Variants in ANKRD44 observed in about 807,000 individuals in gnomAD.
ANKRD44 encodes ankyrin repeat domain 44, also known as serine/threonine-protein phosphatase 6 regulatory ankyrin repeat subunit B.
In ANKRD44, 35 loss-of-function variants were observed where a neutral mutation model predicts 116.0. That is an observed-to-expected ratio of 0.30 (90% CI 0.23 to 0.40). The LOEUF (loss-of-function observed/expected upper bound fraction) is 0.40. Among genes scored for constraint, ANKRD44 ranks in the 10% least tolerant of loss-of-function variants. The pLI is 1.00. For synonymous variants in ANKRD44, 435 were observed against 461.8 expected, an observed-to-expected ratio of 0.94 and a Z score of 0.74; for missense variants, 1,014 against 1,242.6, an observed-to-expected ratio of 0.82 and a Z score of 2.77.
intron 16 of ANKRD44, among the ~76,000 whole-genome samples, chr2:197,064,230 C>A (rs1010323492): frequency 3.3e-5 from 5 of 152,104 alleles, no homozygotes; most frequent in South Asian, 2.1e-4. Flanking sequence ...GAAATAAAAT[C>A]CTTTACAGAC....
At chr2:197,155,814 T>C (rs952996211) in intron 2 of ANKRD44, among the ~76,000 whole-genome samples, 1 of 152,210 alleles carries the variant, frequency 6.6e-6, no homozygotes, top group African/African-American at 2.4e-5. Context: ...AATTGGTAAA[T>C]GGAATTTTAT....
At chr2:197,260,015 T>C (rs933140503) in intron 1 of ANKRD44, among the ~76,000 whole-genome samples, 5 of 152,250 alleles carry the variant, frequency 3.3e-5, no homozygotes, top group Admixed American at 2.0e-4. Context: ...CACTCATCAG[T>C]GGCCTTGCCT....
At chr2:196,997,745 G>A (rs933627440) in intron 25 of ANKRD44, among the ~76,000 whole-genome samples, 3 of 151,548 alleles carry the variant, frequency 2.0e-5, no homozygotes, top group Non-Finnish European at 2.9e-5. Flanking sequence ...CACTGCTCCC[G>A]GCCTAAAATT....
intron 16 of ANKRD44, among the ~76,000 whole-genome samples, chr2:197,053,016 C>T (rs1389806870): frequency 2.0e-5 from 3 of 151,966 alleles, no homozygotes; most frequent in Non-Finnish European, 4.4e-5. Flanking sequence ...ACTAAAAATA[C>T]AAAAATTAGC....
intron 16 of ANKRD44, among the ~76,000 whole-genome samples, chr2:197,058,444 C>T (rs1041292288): frequency 1.3e-5 from 2 of 148,314 alleles, no homozygotes; most frequent in East Asian, 2.0e-4. Context: ...CTGTGTTCCA[C>T]GAATTAAAGC....
intron 2 of ANKRD44, among the ~76,000 whole-genome samples, chr2:197,148,228 A>G (rs1013013614): frequency 6.6e-6 from 1 of 152,218 alleles, no homozygotes; most frequent in African/African-American, 2.4e-5. Flanking sequence ...GTTGTGTGAT[A>G]TCTTTCCTCC....
intron 9 of ANKRD44, among the ~76,000 whole-genome samples, chr2:197,104,719 T>G (rs2078383505): frequency 6.6e-6 from 1 of 152,180 alleles, no homozygotes; most frequent in African/African-American, 2.4e-5. Flanking sequence ...TCCCCAACAT[T>G]TATTTTCAGC....
chr2:197,034,437 A>T (rs755978041), intron 16 of ANKRD44, among the ~76,000 whole-genome samples: 2 of 150,136 alleles, frequency 1.3e-5, no homozygotes, highest in African/African-American at 2.5e-5. Context: ...TCTCATGCTC[A>T]ACTACATTCA....
At position 197,279,853 on chromosome 2, in the gene ANKRD44, C is replaced by T. The variant is rs572795815; in HGVS notation, c.27+30725G>A. Among the ~76,000 whole-genome samples the T allele has an allele frequency of 2.6e-5, 4 of 152,320 alleles. No individual in the cohort carries two copies. In the East Asian group the frequency reaches 5.8e-4, roughly 22 times the overall value. On this transcript the variant is annotated intron_variant, in intron 1 of 27. Coordinates refer to ENST00000282272, the MANE Select transcript of ANKRD44 (RefSeq NM_001195144.2). ...GATTGATTTATTTCCATGCTTCCCA[C>T]CCCACCCAGTTGGACCATAAAGTTC...
chr2:197,101,231 CT>C (rs547267717), intron 9 of ANKRD44, among the ~76,000 whole-genome samples: 576 of 145,756 alleles, frequency 4.0e-3, no homozygotes, highest in Admixed American at 6.3e-3. Context: ...ATCCTCCTGG[CT>C]TTTTTTTTTT....
At chr2:197,053,796 T>C in intron 16 of ANKRD44, among the ~76,000 whole-genome samples, 1 of 152,218 alleles carries the variant, frequency 6.6e-6, no homozygotes, top group East Asian at 1.9e-4. Context: ...TGATCTCCTT[T>C]AAATATTGAT....
chr2:197,279,429 C>T (rs2083200360), intron 1 of ANKRD44, among the ~76,000 whole-genome samples: 1 of 152,108 alleles, frequency 6.6e-6, no homozygotes, highest in African/African-American at 2.4e-5. Flanking sequence ...GATCAAAAGT[C>T]GTCATGGCTC....
At chr2:197,001,339 A>C (rs2125899384) in intron 22 of ANKRD44, among the ~76,000 whole-genome samples, 1 of 152,392 alleles carries the variant, frequency 6.6e-6, no homozygotes, top group East Asian at 1.9e-4. Flanking sequence ...ACAAGAGCTT[A>C]CAACATATGA....
At chr2:197,001,335 G>A (rs1323948597) in intron 22 of ANKRD44, among the ~76,000 whole-genome samples, 1 of 152,212 alleles carries the variant, frequency 6.6e-6, no homozygotes, top group Admixed American at 6.5e-5. Flanking sequence ...TCAGACAAGA[G>A]CTTACAACAT....
intron 1 of ANKRD44, among the ~76,000 whole-genome samples, chr2:197,209,578 C>T (rs1472093921): frequency 6.6e-6 from 1 of 152,210 alleles, no homozygotes; most frequent in African/African-American, 2.4e-5. Context: ...GCAATCATTA[C>T]CAGTCAATAA....
chr2:197,065,661 A>G (rs1039464694), intron 16 of ANKRD44, among the ~76,000 whole-genome samples: 4 of 152,238 alleles, frequency 2.6e-5, no homozygotes, highest in Admixed American at 2.0e-4. Flanking sequence ...ATCAGAGAAC[A>G]CTATAAACAC....
chr2:197,102,439 T>C (rs1404597525), intron 9 of ANKRD44, among the ~76,000 whole-genome samples: 1 of 152,192 alleles, frequency 6.6e-6, no homozygotes, highest in African/African-American at 2.4e-5. Flanking sequence ...ACCAGCACAG[T>C]ATGAGAGGCA....
Position 197,201,699 on chromosome 2 carries a change from A to AGG in ANKRD44, c.28-14595_28-14594dup, listed in dbSNP as rs960530166. Among the ~76,000 whole-genome samples the AGG allele has an allele frequency of 1.3e-5, 2 of 152,312 alleles. No individual in the cohort carries two copies. The highest frequency in any genetic ancestry group is 4.8e-5 in the African/African-American group (2 of 41,576). On this transcript the variant is annotated intron_variant, in intron 1 of 27. Transcript: ENST00000282272. The surrounding 1 kb of genome is among the most constrained non-coding windows in gnomAD (Gnocchi z 4.0). ...TGTTTTGTGTTTTTATTTCAGATGC[A>AGG]GGGGATACATGTGCAGGTTTGTTAC...
At chr2:196,990,917 C>G in intron 27 of ANKRD44, 1 of 1,232,410 alleles carries the variant, frequency 8.1e-7, no homozygotes, top group East Asian at 3.2e-5. Context: ...AAGCCAGGGC[C>G]GGGGTATGAC....
Sources: gnomAD v4.1 joint callset for allele counts (sites outside exome capture counted in the v4.1 genomes callset) on GRCh38, gnomAD v4.1.1 for gene constraint, Gnocchi (gnomAD v3.1) non-coding constraint, MANE v1.5 for transcripts, NCBI Gene and HGNC (gene_info 2026-07-23, HGNC 2026-07-21) for gene names.